FOXP1: variants seen among roughly 807,000 people sequenced by gnomAD.
The protein encoded by FOXP1 is forkhead box protein P1.
Under a neutral mutation model 98.2 loss-of-function variants are expected in FOXP1, and 15 were observed. The ratio of observed to expected loss-of-function variants is 0.15; its 90% CI spans 0.10 to 0.24. FOXP1 has a LOEUF of 0.24. Among genes scored for constraint, FOXP1 ranks in the 10% least tolerant of loss-of-function variants. The pLI is 1.00. For synonymous variants in FOXP1, 371 were observed against 314.5 expected (o/e 1.18, Z -1.90); for missense variants, 633 against 848.5 (o/e 0.75, Z 3.15).
intron 5 of FOXP1, among the ~76,000 whole-genome samples, chr3:71,250,350 A>G (rs1576592464): frequency 6.6e-6 from 1 of 152,222 alleles, no homozygotes; most frequent in Non-Finnish European, 1.5e-5. Flanking sequence ...AACATCCAAT[A>G]GGGTAGCCAA....
intron 6 of FOXP1, among the ~76,000 whole-genome samples, chr3:71,152,356 G>A (rs1279745583): frequency 6.6e-6 from 1 of 152,194 alleles, no homozygotes; most frequent in Non-Finnish European, 1.5e-5. Context: ...TCTGAGCAGA[G>A]AACTCAGGAA....
At position 71,079,958 on chromosome 3, in the gene FOXP1, T is replaced by C. The variant is rs539329719; in HGVS notation, c.283-26185A>G. Among the ~76,000 whole-genome samples the C allele has an allele frequency of 4.8e-4, 73 of 152,328 alleles. 1 individual carries two copies. The highest frequency in any genetic ancestry group is 1.7e-3 in the African/African-American group (71 of 41,578). On this transcript the variant is annotated intron_variant, in intron 7 of 20. Transcript: ENST00000649528. ...AGGCACCTGTTACACAGAACCAGCA[T>C]TTAAAAATAATGCCTAGAAAGTATA...
chr3:71,132,277 T>C (rs1408170223), intron 6 of FOXP1, among the ~76,000 whole-genome samples: 1 of 152,156 alleles, frequency 6.6e-6, no homozygotes, highest in Non-Finnish European at 1.5e-5. Context: ...TTCCCTAAAA[T>C]GGCTAGTTAT....
intron 6 of FOXP1, among the ~76,000 whole-genome samples, chr3:71,154,688 T>G (rs1248098976): frequency 2.0e-5 from 3 of 152,172 alleles, no homozygotes; most frequent in Non-Finnish European, 4.4e-5. Context: ...TTGCGGTGCC[T>G]CAGTCACTGC....
At chr3:71,158,193 GAAAGAAAGAA>G (rs1450459743) in intron 6 of FOXP1, among the ~76,000 whole-genome samples, 19 of 147,406 alleles carry the variant, frequency 1.3e-4, no homozygotes, top group Admixed American at 7.5e-4. Flanking sequence ...AGGAGGGAGG[GAAAGAAAGAA>G]AGGGAAAGAA....
At chr3:71,564,696 T>C (rs1343352087) in intron 2 of FOXP1, among the ~76,000 whole-genome samples, 1 of 152,248 alleles carries the variant, frequency 6.6e-6, no homozygotes, top group African/African-American at 2.4e-5. Flanking sequence ...TAAATGTCAA[T>C]TACAGAGTTT....
At chr3:71,335,453 A>G (rs2076607295) in intron 4 of FOXP1, among the ~76,000 whole-genome samples, 1 of 152,208 alleles carries the variant, frequency 6.6e-6, no homozygotes, top group African/African-American at 2.4e-5. Flanking sequence ...GGATATTCTA[A>G]TGCTACCATC....
rs564779380 is a variant in FOXP1, at chr3:71,462,737, G to A, written c.-168+30689C>T. 2.2e-4 allele frequency among the ~76,000 whole-genome samples: 34 copies of A among 152,328 alleles called. 1 individual carries two copies. In the South Asian group the frequency reaches 6.2e-3, roughly 28 times the overall value. On this transcript the variant is annotated intron_variant, in intron 3 of 20. Transcript: ENST00000649528. The stretch of plus-strand genomic sequence containing the variant: ...CTCCATTGTATTCTAGTCATCCGAT[G>A]AAGGAAAATTCAAACCAGCCACCGC...
At chr3:71,267,613 A>C (rs1202629358) in intron 5 of FOXP1, among the ~76,000 whole-genome samples, 2 of 152,276 alleles carry the variant, frequency 1.3e-5, no homozygotes, top group Non-Finnish European at 1.5e-5. Flanking sequence ...TGCAAAAGAC[A>C]CAACAGGTAA....
At chr3:70,967,594 C>CCAA (rs2035079344) in intron 19 of FOXP1, among the ~76,000 whole-genome samples, 1 of 151,770 alleles carries the variant, frequency 6.6e-6, no homozygotes, top group East Asian at 1.9e-4. Context: ...AGTACTTTTT[C>CCAA]CAACAGCTCT....
At chr3:71,473,559 C>G (rs1165031775) in intron 3 of FOXP1, among the ~76,000 whole-genome samples, 1 of 152,116 alleles carries the variant, frequency 6.6e-6, no homozygotes, top group Non-Finnish European at 1.5e-5. Flanking sequence ...ACCCAAGGAC[C>G]TGTTCTACAA....
Position 70,960,519 on chromosome 3 carries a change from G to A in FOXP1, c.1890-1128C>T, listed in dbSNP as rs182601718. ...CAACTGATCCTTTGCATATACAAATGACTTTCTGTTGCAGGGGCTTTTGAT... is the reference window on the plus strand; with the variant it reads ...CAACTGATCCTTTGCATATACAAATAACTTTCTGTTGCAGGGGCTTTTGAT... On this transcript the variant is annotated intron_variant, in intron 20 of 20. Coordinates refer to ENST00000649528, the MANE Select transcript of FOXP1 (RefSeq NM_001349338.3). Among the ~76,000 whole-genome samples the A allele has an allele frequency of 5.2e-4, 79 of 152,346 alleles. 1 individual carries two copies. In the South Asian group the frequency reaches 8.3e-3, roughly 16 times the overall value.
At chr3:71,270,237 A>G (rs1408854301) in intron 5 of FOXP1, among the ~76,000 whole-genome samples, 1 of 152,228 alleles carries the variant, frequency 6.6e-6, no homozygotes, top group Non-Finnish European at 1.5e-5. Flanking sequence ...TCAAAGCGTT[A>G]TAAATTCATG....
chr3:71,010,838 C>A (rs1241666434), intron 12 of FOXP1, among the ~76,000 whole-genome samples: 2 of 147,026 alleles, frequency 1.4e-5, no homozygotes, highest in Admixed American at 6.8e-5. Context: ...CCCCCCTCCC[C>A]CCCCACCCAG....
At chr3:71,482,052 CT>C in intron 3 of FOXP1, among the ~76,000 whole-genome samples, 1 of 152,316 alleles carries the variant, frequency 6.6e-6, no homozygotes, top group Middle Eastern at 3.4e-3. Context: ...ACATGCACAT[CT>C]GATCACTCTT....
chr3:71,209,235 T>C (rs939841), intron 5 of FOXP1, among the ~76,000 whole-genome samples: 129,331 of 152,250 alleles, frequency 0.85, 54,960 homozygotes, highest in Admixed American at 0.91. Flanking sequence ...TGGTTTAAAC[T>C]ACTAAAGGTT....
At chr3:71,153,761 C>A (rs1391348784) in intron 6 of FOXP1, among the ~76,000 whole-genome samples, 1 of 152,154 alleles carries the variant, frequency 6.6e-6, no homozygotes, top group Non-Finnish European at 1.5e-5. Flanking sequence ...TTCTAAGAGA[C>A]AATCATACCT....
At chr3:71,359,103 T>C (rs746935477) in intron 4 of FOXP1, 47 bp downstream of exon 4, 1 of 152,176 alleles carries the variant, frequency 6.6e-6, no homozygotes, top group Non-Finnish European at 1.5e-5. Context: ...CAAAGGTAGA[T>C]GGCAATTTTT....
intron 3 of FOXP1, among the ~76,000 whole-genome samples, chr3:71,411,240 A>G (rs375492880): frequency 6.6e-6 from 1 of 151,758 alleles, no homozygotes; most frequent in East Asian, 1.9e-4. Context: ...TCCAGAGTGG[A>G]CAAACTTGTT....
Sources: allele counts gnomAD v4.1 joint callset (sites outside exome capture counted in the v4.1 genomes callset), GRCh38; gene constraint gnomAD v4.1.1; transcripts MANE v1.5; gene names NCBI Gene and HGNC (gene_info 2026-07-23, HGNC 2026-07-21).